DAB1: variants seen among roughly 807,000 people sequenced by gnomAD.
DAB1 encodes DAB adaptor protein 1, also known as disabled homolog 1.
A neutral mutation model predicts 64.6 loss-of-function variants in DAB1; 15 were observed. That is an observed-to-expected ratio of 0.23 (90% CI 0.16 to 0.36). DAB1 has a LOEUF of 0.36. DAB1 is among the 10% of genes least tolerant of loss of function. The pLI is 1.00. For missense variants in DAB1, 596 were observed against 706.7 expected, an observed-to-expected ratio of 0.84 and a Z score of 1.78; for synonymous variants, 235 against 251.9, an observed-to-expected ratio of 0.93 and a Z score of 0.64.
At chr1:57,771,207 A>C (rs1029426654) in intron 6 of DAB1, among the ~76,000 whole-genome samples, 7 of 152,146 alleles carry the variant, frequency 4.6e-5, no homozygotes, top group Non-Finnish European at 4.4e-5. Flanking sequence ...ACTGATTGGC[A>C]CTGATGCTTA....
At chr1:58,396,723 A>G (rs866553843) in intron 3 of DAB1, among the ~76,000 whole-genome samples, 2 of 152,126 alleles carry the variant, frequency 1.3e-5, no homozygotes, top group Non-Finnish European at 2.9e-5. Context: ...TGACAGTAGG[A>G]CAGAAATAGG....
At chr1:57,626,774 A>T (rs1645928049) in intron 7 of DAB1, among the ~76,000 whole-genome samples, 1 of 152,096 alleles carries the variant, frequency 6.6e-6, no homozygotes, top group Non-Finnish European at 1.5e-5. Context: ...GAGGGATCTC[A>T]CTGGGATTTC....
chr1:57,241,873 C>T (rs1485100572), intron 2 of DAB1, among the ~76,000 whole-genome samples: 1 of 152,176 alleles, frequency 6.6e-6, no homozygotes, highest in Non-Finnish European at 1.5e-5. Flanking sequence ...TATCAACACC[C>T]TTGCATTCTA....
chr1:57,280,226 C>T (rs1056358693), intron 2 of DAB1, among the ~76,000 whole-genome samples: 2 of 152,202 alleles, frequency 1.3e-5, no homozygotes, highest in African/African-American at 4.8e-5. Context: ...CACAAGGACA[C>T]ATGAACAATA....
At chr1:57,082,321 T>C (rs945792104) in intron 4 of DAB1, among the ~76,000 whole-genome samples, 2 of 152,152 alleles carry the variant, frequency 1.3e-5, no homozygotes, top group African/African-American at 4.8e-5. Flanking sequence ...TAACTGAAAG[T>C]CAGCTGCAGA....
chr1:57,184,760 C>T (rs558307805), intron 2 of DAB1, among the ~76,000 whole-genome samples: 20 of 152,244 alleles, frequency 1.3e-4, no homozygotes, highest in African/African-American at 4.6e-4. Flanking sequence ...GCAACACACA[C>T]ACAGAGATAC....
chr1:58,129,562 T>C (rs529686942), intron 5 of DAB1, among the ~76,000 whole-genome samples: 2,413 of 135,724 alleles, frequency 0.018, 82 homozygotes, highest in African/African-American at 0.07. Flanking sequence ...GGTGTCAATT[T>C]TGGATCTTTC....
intron 9 of DAB1, among the ~76,000 whole-genome samples, chr1:57,043,589 G>A (rs1331082359): frequency 6.6e-6 from 1 of 152,222 alleles, no homozygotes; most frequent in African/African-American, 2.4e-5. Context: ...GCTCACGCCT[G>A]TAATCCCAGC....
intron 6 of DAB1, among the ~76,000 whole-genome samples, chr1:57,699,925 T>A (rs1646888506): frequency 6.6e-6 from 1 of 151,900 alleles, no homozygotes. Flanking sequence ...GAAAAAAAAA[T>A]TAATAAGGAA....
At chr1:57,656,725 T>C (rs1320154808) in intron 6 of DAB1, among the ~76,000 whole-genome samples, 1 of 152,218 alleles carries the variant, frequency 6.6e-6, no homozygotes, top group African/African-American at 2.4e-5. Context: ...CAATAGATAG[T>C]TGCTTTTTAT....
At chr1:57,053,688 A>ATAT (rs1447741565) in intron 9 of DAB1, among the ~76,000 whole-genome samples, 178 of 71,424 alleles carry the variant, frequency 2.5e-3, no homozygotes, top group African/African-American at 6.7e-3. Flanking sequence ...ATATATATAT[A>ATAT]TTTTTTTTTT....
At chr1:58,083,491 C>T (rs369997552) in intron 5 of DAB1, among the ~76,000 whole-genome samples, 2 of 152,150 alleles carry the variant, frequency 1.3e-5, no homozygotes, top group South Asian at 2.1e-4. Context: ...GGACAAAGGA[C>T]GAATGAATGA....
intron 2 of DAB1, among the ~76,000 whole-genome samples, chr1:57,245,509 C>T (rs541355372): frequency 5.3e-5 from 8 of 152,080 alleles, no homozygotes; most frequent in Non-Finnish European, 8.8e-5. Context: ...TCAATTCCCA[C>T]CTATGAGTGA....
intron 7 of DAB1, among the ~76,000 whole-genome samples, chr1:57,570,978 G>A (rs1195018323): frequency 6.6e-6 from 1 of 152,124 alleles, no homozygotes; most frequent in Non-Finnish European, 1.5e-5. Flanking sequence ...TATAAATTGG[G>A]TTGAGTTCTT....
Position 57,238,506 on chromosome 1 carries a change from G to A in DAB1, c.67+52458C>T, listed in dbSNP as rs574821868. On this transcript the variant is annotated intron_variant, in intron 2 of 14. Transcript: ENST00000371236. Reference sequence around the variant, plus strand: ...CTCTCTTGCTCACTTCTATTGGAGAGTTTTTAGGGATGAAGTCAGTAAGGT... The same window carrying A: ...CTCTCTTGCTCACTTCTATTGGAGAATTTTTAGGGATGAAGTCAGTAAGGT... Among the ~76,000 whole-genome samples, 7 of 152,302 alleles carry A rather than the reference G, an allele frequency of 4.6e-5. No homozygotes were observed. The South Asian group carries it at 1.2e-3, about 27-fold the overall frequency.
At chr1:58,533,888 AAAGATTT>A in intron 1 of DAB1, 1 of 819,430 alleles carries the variant, frequency 1.2e-6, no homozygotes, top group Non-Finnish European at 2.2e-6. Flanking sequence ...CAGTTCTTTA[AAAGATTT>A]AACTTGTTAA....
chr1:58,364,226 A>T (rs1210781119), intron 3 of DAB1, among the ~76,000 whole-genome samples: 1 of 152,218 alleles, frequency 6.6e-6, no homozygotes, highest in Non-Finnish European at 1.5e-5. Context: ...GATACCTGTA[A>T]GGAGGTGTGA....
intron 1 of DAB1, among the ~76,000 whole-genome samples, chr1:58,539,983 A>G (rs992152669): frequency 6.6e-6 from 1 of 152,162 alleles, no homozygotes; most frequent in Non-Finnish European, 1.5e-5. Flanking sequence ...TCCCATATTC[A>G]GCTGAGTCCT....
At chr1:57,805,706 T>A (rs1461961856) in intron 6 of DAB1, among the ~76,000 whole-genome samples, 1 of 152,176 alleles carries the variant, frequency 6.6e-6, no homozygotes, top group East Asian at 1.9e-4. Flanking sequence ...ACACTTAACA[T>A]GCCCATGACT....
Sources: allele counts gnomAD v4.1 joint callset (sites outside exome capture counted in the v4.1 genomes callset), GRCh38; gene constraint gnomAD v4.1.1; transcripts MANE v1.5; gene names NCBI Gene and HGNC (gene_info 2026-07-23, HGNC 2026-07-21).